Variants in BTBD7 observed in about 807,000 individuals in gnomAD.
BTBD7 encodes BTB domain containing 7, also known as BTB/POZ domain-containing protein 7.
In BTBD7, 38 loss-of-function variants were observed where a neutral mutation model predicts 99.9. The observed-to-expected ratio is 0.38, with a 90% CI of 0.29 to 0.50. The LOEUF is 0.50. Ranked by LOEUF, BTBD7 falls within the 20% of genes least tolerant of loss-of-function variation. The probability of loss-of-function intolerance (pLI) is 0.93; values close to 1 mark genes in which losing one functional copy is unlikely to be tolerated. For synonymous variants in BTBD7, 520 were observed against 511.4 expected (o/e 1.02, Z -0.23); for missense variants, 1,170 against 1,394.6 (o/e 0.84, Z 2.57).
intron 5 of BTBD7, among the ~76,000 whole-genome samples, chr14:93,258,385 A>AC (rs1555388735): frequency 4.6e-5 from 7 of 151,294 alleles, no homozygotes; most frequent in Admixed American, 2.6e-4. Context: ...TTTTCAAAAT[A>AC]TTTTTTTTTC....
At chr14:93,317,109 G>C (rs2053216634) in intron 1 of BTBD7, among the ~76,000 whole-genome samples, 1 of 152,108 alleles carries the variant, frequency 6.6e-6, no homozygotes, top group Non-Finnish European at 1.5e-5. Flanking sequence ...GGGTTCAAGC[G>C]ATTACCCTGC....
intron 3 of BTBD7, among the ~76,000 whole-genome samples, chr14:93,283,239 G>C (rs1231323516): frequency 6.6e-6 from 1 of 152,020 alleles, no homozygotes. Flanking sequence ...CACCCACTCG[G>C]CTAATTTCTT....
At chr14:93,258,699 C>A (rs1453338089) in intron 5 of BTBD7, among the ~76,000 whole-genome samples, 1 of 152,148 alleles carries the variant, frequency 6.6e-6, no homozygotes, top group African/African-American at 2.4e-5. Context: ...ATTCTCCTGC[C>A]TCAGCCTCCC....
At chr14:93,282,753 G>A (rs1330173182) in intron 3 of BTBD7, among the ~76,000 whole-genome samples, 1 of 152,102 alleles carries the variant, frequency 6.6e-6, no homozygotes, top group African/African-American at 2.4e-5. Context: ...AGTCAGTAAT[G>A]CCTCCTCCCC....
Position 93,246,210 on chromosome 14 carries a change from C to T in BTBD7, c.2198G>A (p.Cys733Tyr), listed in dbSNP as rs2052307616. The change falls in exon 10 of 11, where the codon TGT (cysteine) becomes TAT (tyrosine). Residue 733 changes from cysteine (C) to tyrosine (Y), a missense_variant. Coordinates refer to ENST00000334746, the MANE Select transcript of BTBD7 (RefSeq NM_001002860.4). ...TGCAGGAGGTGTACTGTTTACGCGA[C>T]ATCTCCCAGGCTGTCTCATTGTCAA... is the stretch of plus-strand genomic sequence containing the variant. ...PLLTMRQPGR[C>Y]RVNSTPPAET... 6.2e-7 allele frequency: 1 copy of T among 1,605,638 alleles called. No homozygotes were observed.
In BTBD7 at chr14:93,253,783, C is replaced by G; in HGVS notation, c.1616G>C (p.Arg539Thr). The change falls in exon 7 of 11, where the codon AGA becomes ACA. Residue 539 changes from arginine to threonine, a missense_variant. Transcript: ENST00000334746. ...NSEVLSDAMKRGLISTPPSDM... is the reference protein window; with the variant it reads ...NSEVLSDAMKTGLISTPPSDM... ...TGATGGAGGAGTACTAATCAAGCCT[C>G]TTTTCATCTAAAAAAAAATTTTTTT... 1 of 1,565,274 alleles carries G rather than the reference C, an allele frequency of 6.4e-7. No individual in the cohort carries two copies. Among genetic ancestry groups the G allele is most frequent in the Non-Finnish European group, 8.7e-7 (1 of 1,153,726 alleles).
chr14:93,298,657 G>T (rs1158729276), intron 1 of BTBD7, among the ~76,000 whole-genome samples: 1 of 151,872 alleles, frequency 6.6e-6, no homozygotes, highest in Non-Finnish European at 1.5e-5. Flanking sequence ...TATTACAATG[G>T]TTTAATACTT....
At position 93,239,428 on chromosome 14, in the gene BTBD7, T is replaced by C. The variant is rs2052195440; in HGVS notation, c.*2845A>G. The stretch of plus-strand genomic sequence containing the variant: ...AAAATGCCAGTTCCCATGGCCTAAA[T>C]TTTATTTTATATATATATATGCTTT... On this transcript the variant is annotated 3_prime_UTR_variant, in exon 11 of 11. Coordinates refer to ENST00000334746, the MANE Select transcript of BTBD7 (RefSeq NM_001002860.4). 6.6e-6 allele frequency: 1 copy of C among 152,004 alleles called. No individual in the cohort carries two copies. 9.4% of individuals were successfully genotyped at this position (152,004 alleles called of 1,614,324 possible). A position where few individuals can be genotyped will look rare whatever the true frequency, so the allele number is the denominator to read the frequency against.
intron 1 of BTBD7, among the ~76,000 whole-genome samples, chr14:93,309,989 G>T (rs143564040): frequency 2.0e-5 from 3 of 151,844 alleles, no homozygotes; most frequent in African/African-American, 7.3e-5. Flanking sequence ...CTTTAGAAAT[G>T]GGGTCTTGCT....
chr14:93,296,022 A>G lies in BTBD7; in HGVS notation c.30T>C (p.His10=), dbSNP rs965308380. Residue 10 remains histidine, a synonymous_variant, in exon 2 of 11, where the codon CAT becomes CAC. Transcript: ENST00000334746. MGANASNYP[H]SCSPRVGGNS... is the part of the protein sequence containing the mutation. ...TTCCCCCTACCCTCGGGGAACATGA[A>G]TGAGGATAATTAGATGCATTAGCAC... The G allele has an allele frequency of 1.2e-6, 2 of 1,613,982 alleles. No individual in the cohort carries two copies. The highest frequency in any genetic ancestry group is 1.7e-6 in the Non-Finnish European group (2 of 1,179,990).
At chr14:93,275,086 T>C (rs1338670555) in intron 3 of BTBD7, among the ~76,000 whole-genome samples, 1 of 152,120 alleles carries the variant, frequency 6.6e-6, no homozygotes, top group Admixed American at 6.6e-5. Flanking sequence ...TGGTACACAG[T>C]GGGGGGCTAC....
At chr14:93,260,095 C>T (rs1326853891) in intron 5 of BTBD7, among the ~76,000 whole-genome samples, 2 of 152,092 alleles carry the variant, frequency 1.3e-5, no homozygotes, top group East Asian at 3.9e-4. Context: ...TGCTTTTGTT[C>T]CCTAGAGCTT....
chr14:93,270,362 C>T (rs1395124312), intron 3 of BTBD7, among the ~76,000 whole-genome samples: 1 of 152,120 alleles, frequency 6.6e-6, no homozygotes, highest in African/African-American at 2.4e-5. Context: ...TCCCAAAGTG[C>T]TGGGATTACA....
At chr14:93,332,329 G>A (rs1419240348) in intron 1 of BTBD7, 1 of 152,412 alleles carries the variant, frequency 6.6e-6, no homozygotes, top group Non-Finnish European at 1.5e-5. Context: ...TCCCCTGGGA[G>A]TAGCAGTCCT....
At chr14:93,272,831 CTACT>C (rs2052614529) in intron 3 of BTBD7, among the ~76,000 whole-genome samples, 1 of 147,372 alleles carries the variant, frequency 6.8e-6, no homozygotes, top group Non-Finnish European at 1.5e-5. Context: ...ATGCTCCTCT[CTACT>C]ATTTCTCAGG....
At chr14:93,280,881 T>C (rs950867061) in intron 3 of BTBD7, among the ~76,000 whole-genome samples, 18 of 151,514 alleles carry the variant, frequency 1.2e-4, no homozygotes, top group Non-Finnish European at 2.2e-4. Flanking sequence ...GATCTTACTC[T>C]GTCATCCAGG....
chr14:93,266,022 C>A (rs1403635171), intron 3 of BTBD7, among the ~76,000 whole-genome samples: 1 of 152,210 alleles, frequency 6.6e-6, no homozygotes, highest in East Asian at 1.9e-4. Flanking sequence ...GTTAACACCA[C>A]ACTGCATAGC....
intron 3 of BTBD7, among the ~76,000 whole-genome samples, chr14:93,268,975 T>G (rs2052572894): frequency 6.6e-6 from 1 of 152,098 alleles, no homozygotes; most frequent in South Asian, 2.1e-4. Context: ...GCCAGGCTGG[T>G]CTTGAACTCT....
At chr14:93,291,295 T>C (rs1457300200) in intron 3 of BTBD7, among the ~76,000 whole-genome samples, 1 of 152,186 alleles carries the variant, frequency 6.6e-6, no homozygotes, top group East Asian at 1.9e-4. Flanking sequence ...TTATTTCCTT[T>C]AATCATCATA....
Sources: allele counts gnomAD v4.1 joint callset (sites outside exome capture counted in the v4.1 genomes callset), GRCh38; gene constraint gnomAD v4.1.1; transcripts MANE v1.5; gene names NCBI Gene and HGNC (gene_info 2026-07-23, HGNC 2026-07-21).